NBPF12: variants seen among roughly 807,000 people sequenced by gnomAD.
The protein encoded by NBPF12 is NBPF family member NBPF12.
NBPF12 carries 115 observed loss-of-function variants against 146.4 expected under a neutral mutation model. The ratio of observed to expected loss-of-function variants is 0.79; its 90% confidence interval spans 0.68 to 0.92. The LOEUF (loss-of-function observed/expected upper bound fraction) is 0.92. NBPF12 is among the 40% of genes least tolerant of loss of function. The pLI is 0.00. For synonymous variants in NBPF12, 385 were observed against 508.9 expected (o/e 0.76, Z 3.28); for missense variants, 1,205 against 1,326.8 (o/e 0.91, Z 1.43).
At chr1:146,971,202 G>C in exon 13 of NBPF12, 1 of 1,611,712 alleles carries the variant, frequency 6.2e-7, no homozygotes, top group Non-Finnish European at 8.5e-7. Flanking sequence ...GAAGGCTGAA[G>C]AAAGCAAAGT....
exon 34 of NBPF12, chr1:146,994,872 T>G (rs1361647448): frequency 4.2e-5 from 21 of 505,820 alleles, no homozygotes; most frequent in Non-Finnish European, 7.2e-5. Context: ...CTCAGGGATT[T>G]CATTTTGCAG....
At chr1:146,978,641 T>G (rs1553887660) in intron 18 of NBPF12, among the ~76,000 whole-genome samples, 1,894 of 151,728 alleles carry the variant, frequency 0.012, 51 homozygotes, top group African/African-American at 0.044. Flanking sequence ...AAGTCCGTAT[T>G]GCAGCAACAT....
At chr1:146,950,156 C>T (rs1655267031) in intron 1 of NBPF12, among the ~76,000 whole-genome samples, 1 of 151,948 alleles carries the variant, frequency 6.6e-6, no homozygotes, top group Admixed American at 6.6e-5. Flanking sequence ...CATTTACCCT[C>T]TCCCCTGAGG....
At position 146,992,611 on chromosome 1, in the gene NBPF12, C is replaced by A. The variant is rs1312047739; in HGVS notation, c.3849-101C>A. On this transcript the variant is annotated intron_variant, in intron 31 of 33. Transcript: ENST00000617844. ...CCTCATTAATGGATCTATCCTTTTA[C>A]TTTTTTTAACCACTTCCTTATGCTA... 55 of 684,380 alleles carry A rather than the reference C, an allele frequency of 8.0e-5. 6 individuals are homozygous for A. Among genetic ancestry groups the A allele is most frequent in the Non-Finnish European group, 1.4e-4 (51 of 377,090 alleles). 42.4% of individuals were successfully genotyped at this position (684,380 alleles called of 1,614,324 possible).
chr1:146,965,041 A>G lies in NBPF12; in HGVS notation c.715A>G (p.Thr239Ala), dbSNP rs1225615456. The G allele has an allele frequency of 2.9e-5, 46 of 1,600,954 alleles. 1 individual carries two copies. Among genetic ancestry groups the G allele is most frequent in the African/African-American group, 5.9e-5 (4 of 67,284 alleles). The change falls in exon 8 of 34, where the codon ACT (threonine) becomes GCT (alanine). Residue 239 changes from threonine to alanine, a missense_variant. Coordinates refer to ENST00000617844, the Ensembl canonical transcript of NBPF12. The stretch of plus-strand genomic sequence containing the variant: ...ATTTGAGGAAGACAAAGTCAACTCA[A>G]CTGTGGTTGTAGACAGAAAATCCTC...
chr1:146,970,541 C>G, intron 11 of NBPF12, 106 bp from the exon 15 acceptor site: 3 of 1,402,774 alleles, frequency 2.1e-6, no homozygotes, highest in East Asian at 2.3e-5. Context: ...GTTTTCAGTA[C>G]AATGCTGAAC....
chr1:146,955,782 A>T (rs1384816653), intron 2 of NBPF12, among the ~76,000 whole-genome samples: 5 of 151,522 alleles, frequency 3.3e-5, no homozygotes, highest in Non-Finnish European at 7.4e-5. Context: ...AGGTTTGGAG[A>T]GTCCCTTCAG....
chr1:146,973,806 TA>T, intron 14 of NBPF12, among the ~76,000 whole-genome samples: 2 of 144,252 alleles, frequency 1.4e-5, no homozygotes, highest in Non-Finnish European at 3.0e-5. Flanking sequence ...TAATGAGAAA[TA>T]AAAATAAGAA....
At chr1:146,966,817 T>C (rs1160075885) in intron 9 of NBPF12, 144 bp downstream of exon 12, 1 of 670,296 alleles carries the variant, frequency 1.5e-6, no homozygotes, top group East Asian at 2.6e-5. Context: ...AACATTTTGT[T>C]AAAGTTGGAA....
chr1:146,976,714 T>A (rs1198118228), intron 16 of NBPF12, among the ~76,000 whole-genome samples: 4 of 151,700 alleles, frequency 2.6e-5, no homozygotes, highest in African/African-American at 7.3e-5. Flanking sequence ...TTTCAGTATT[T>A]GGCCACATCT....
exon 6 of NBPF12, chr1:146,963,237 G>A (rs1655973989): frequency 6.2e-7 from 1 of 1,611,764 alleles, no homozygotes; most frequent in Admixed American, 1.7e-5. Context: ...CAAGTCCCAG[G>A]GGCAGGACCT....
chr1:146,964,064 G>C (rs1300597700), intron 6 of NBPF12, among the ~76,000 whole-genome samples: 2 of 132,214 alleles, frequency 1.5e-5, no homozygotes, highest in Non-Finnish European at 3.2e-5. Flanking sequence ...GTGGCAGGAT[G>C]GGGGAGACAG....
At chr1:146,960,714 G>T (rs1288300564) in intron 4 of NBPF12, among the ~76,000 whole-genome samples, 2 of 151,960 alleles carry the variant, frequency 1.3e-5, no homozygotes, top group Non-Finnish European at 1.5e-5. Flanking sequence ...TCAAGTTTCT[G>T]TTGAGGCCCA....
intron 18 of NBPF12, among the ~76,000 whole-genome samples, chr1:146,977,884 C>A (rs1275240406): frequency 6.6e-6 from 1 of 152,046 alleles, no homozygotes; most frequent in Non-Finnish European, 1.5e-5. Flanking sequence ...GCAAGTGTGA[C>A]AATCTCATAG....
chr1:146,958,061 G>T (rs1337512260), intron 2 of NBPF12, among the ~76,000 whole-genome samples: 1 of 118,788 alleles, frequency 8.4e-6, no homozygotes, highest in African/African-American at 3.0e-5. Context: ...ATATACACAC[G>T]TGTGCCATGT....
At position 146,957,777 on chromosome 1, in the gene NBPF12, G is replaced by A. The variant is rs1488375414; in HGVS notation, c.-183-2082G>A. 19 of 130,638 alleles carry A rather than the reference G, an allele frequency of 1.5e-4. 4 individuals carry two copies. Among genetic ancestry groups the A allele is most frequent in the African/African-American group, 3.0e-4 (11 of 36,766 alleles). 8.1% of individuals were successfully genotyped at this position (130,638 alleles called of 1,614,324 possible). The stretch of plus-strand genomic sequence containing the variant: ...GCTCGATGCAGGTGCTGTCCTCCTC[G>A]CCACGACTCTGCTAGCTGTGCAGTA... On this transcript the variant is annotated intron_variant, in intron 2 of 33. Coordinates refer to ENST00000617844, the Ensembl canonical transcript of NBPF12.
chr1:146,970,763 G>A (rs1400141814), intron 12 of NBPF12, 44 bp downstream of exon 15: 1 of 1,284,050 alleles, frequency 7.8e-7, no homozygotes, highest in Non-Finnish European at 1.1e-6. Flanking sequence ...GTTAACATAT[G>A]AAAATGTCTA....
Position 146,984,724 on chromosome 1 carries a change from T to C in NBPF12, c.2667-89T>C, listed in dbSNP as rs1472265227. 332 of 645,926 alleles carry C rather than the reference T, an allele frequency of 5.1e-4. 1 individual carries two copies. The highest frequency in any genetic ancestry group is 8.2e-4 in the Non-Finnish European group (305 of 370,796). 40.0% of individuals were successfully genotyped at this position (645,926 alleles called of 1,614,324 possible). On this transcript the variant is annotated intron_variant, in intron 21 of 33. Transcript: ENST00000617844. ...GGATCTGTCCTTTTTCTTTTCAAAC[T>C]CTTCCTTATGTTAGCCATGAAATCT...
chr1:146,961,559 T>G (rs1382423539), intron 4 of NBPF12, among the ~76,000 whole-genome samples: 4 of 148,866 alleles, frequency 2.7e-5, no homozygotes, highest in East Asian at 1.9e-4. Context: ...TTAACACAAC[T>G]AATCTAAATC....
Sources: allele counts gnomAD v4.1 joint callset (sites outside exome capture counted in the v4.1 genomes callset), GRCh38; gene constraint gnomAD v4.1.1; transcripts MANE v1.5; gene names NCBI Gene and HGNC (gene_info 2026-07-23, HGNC 2026-07-21).